The following PACSIN2 variants were observed in gnomAD, a reference collection of about 807,000 sequenced individuals.
The protein encoded by PACSIN2 is protein kinase C and casein kinase substrate in neurons protein 2.
Under a neutral mutation model 63.8 loss-of-function variants are expected in PACSIN2, and 25 were observed. The ratio of observed to expected loss-of-function variants is 0.39; its 90% CI spans 0.29 to 0.55. The LOEUF (loss-of-function observed/expected upper bound fraction) is 0.55, where lower values mean the gene tolerates loss of function less well. PACSIN2 is among the 20% of genes least tolerant of loss of function. The probability of loss-of-function intolerance (pLI) is 0.62; values close to 1 mark genes in which losing one functional copy is unlikely to be tolerated. For synonymous variants in PACSIN2, 255 were observed against 256.2 expected (o/e 1.00, Z 0.05); for missense variants, 518 against 646.9 (o/e 0.80, Z 2.16).
intron 1 of PACSIN2, among the ~76,000 whole-genome samples, chr22:42,970,591 G>A (rs994651479): frequency 2.6e-5 from 4 of 152,096 alleles, no homozygotes; most frequent in African/African-American, 7.2e-5. Context: ...AAAATAAAAA[G>A]TTTATTATAG....
chr22:42,990,031 TATATGTATATATATATATATAC>T (rs1922931001), intron 1 of PACSIN2, among the ~76,000 whole-genome samples: 1 of 23,664 alleles, frequency 4.2e-5, no homozygotes, highest in South Asian at 1.3e-3. Context: ...CATATGTATA[TATATGTATATATATATATATAC>T]ACACACATAT....
chr22:42,944,775 C>T (rs1445377993), intron 1 of PACSIN2, among the ~76,000 whole-genome samples: 2 of 152,194 alleles, frequency 1.3e-5, no homozygotes, highest in Non-Finnish European at 2.9e-5. Context: ...CAGAGTGGCA[C>T]AGCGCATCCA....
At position 42,876,976 on chromosome 22, in the gene PACSIN2, C is replaced by T. The variant is rs112729941; in HGVS notation, c.1063G>A (p.Ala355Thr). The stretch of plus-strand genomic sequence containing the variant: ...GGGTTGTAGCTGGACTGTGACTGCG[C>T]AGACTGGGCGGGGTTGCTCGGGACA... The part of the protein sequence containing the change: ...LNVPSNPAQS[A>T]QSQSSYNPFE... The change falls in exon 9 of 11, where the codon GCG becomes ACG. Residue 355 changes from alanine to threonine, a missense_variant. Ala to Thr is a moderately conservative substitution (Grantham distance 58, BLOSUM62 0). Transcript: ENST00000263246. 2.5e-3 allele frequency: 4,069 copies of T among 1,614,182 alleles called. 8 individuals are homozygous for T. Among genetic ancestry groups the T allele is most frequent in the Non-Finnish European group, 3.1e-3 (3,683 of 1,180,016 alleles).
intron 1 of PACSIN2, among the ~76,000 whole-genome samples, chr22:42,975,468 A>G (rs1333342460): frequency 6.7e-6 from 1 of 149,352 alleles, no homozygotes; most frequent in African/African-American, 2.5e-5. Flanking sequence ...ATATATATAT[A>G]TATAGCATGC....
intron 1 of PACSIN2, among the ~76,000 whole-genome samples, chr22:43,014,339 C>G (rs370854467): frequency 0.64 from 88,303 of 139,052 alleles, 29,231 homozygotes; most frequent in East Asian, 0.83. Context: ...CACACACACA[C>G]ACACACACAC....
At chr22:42,912,370 G>A (rs1025677834) in intron 1 of PACSIN2, among the ~76,000 whole-genome samples, 2 of 152,144 alleles carry the variant, frequency 1.3e-5, no homozygotes, top group African/African-American at 2.4e-5. Context: ...TGATGGGGGC[G>A]AGGGGTGCAT....
intron 2 of PACSIN2, among the ~76,000 whole-genome samples, chr22:42,896,294 C>T (rs980593049): frequency 1.3e-5 from 2 of 152,196 alleles, no homozygotes; most frequent in African/African-American, 4.8e-5. Context: ...TTCTGTCACC[C>T]ACCATAATGT....
chr22:42,977,087 C>A (rs1463654324), intron 1 of PACSIN2, among the ~76,000 whole-genome samples: 1 of 152,008 alleles, frequency 6.6e-6, no homozygotes, highest in Non-Finnish European at 1.5e-5. Flanking sequence ...CATATATATG[C>A]ATTAATAGAC....
intron 1 of PACSIN2, among the ~76,000 whole-genome samples, chr22:42,958,270 G>A (rs1933996503): frequency 2.6e-5 from 4 of 151,902 alleles, no homozygotes; most frequent in Admixed American, 2.6e-4. Context: ...AATTCCTTTG[G>A]TAAAGTGAGG....
At chr22:42,961,001 A>T (rs1466136101) in intron 1 of PACSIN2, among the ~76,000 whole-genome samples, 1 of 152,194 alleles carries the variant, frequency 6.6e-6, no homozygotes, top group Non-Finnish European at 1.5e-5. Flanking sequence ...ATACACATGC[A>T]CACTCCCCCA....
chr22:42,969,755 A>G (rs751352279), intron 1 of PACSIN2, among the ~76,000 whole-genome samples: 3 of 152,042 alleles, frequency 2.0e-5, no homozygotes, highest in Non-Finnish European at 2.9e-5. Context: ...CCTGGGCAAC[A>G]TGGAAAGAAC....
chr22:42,906,455 G>A (rs189574888), intron 2 of PACSIN2, among the ~76,000 whole-genome samples: 117 of 152,282 alleles, frequency 7.7e-4, no homozygotes, highest in South Asian at 5.8e-3. Flanking sequence ...GAAGAGTCAC[G>A]AGATTCAGGG....
At chr22:42,891,396 C>T (rs889210729) in intron 3 of PACSIN2, among the ~76,000 whole-genome samples, 2 of 152,116 alleles carry the variant, frequency 1.3e-5, no homozygotes, top group African/African-American at 4.8e-5. Context: ...GGATTACATG[C>T]CTTTCCTTTA....
At chr22:42,999,831 A>G (rs1257660608) in intron 1 of PACSIN2, among the ~76,000 whole-genome samples, 1 of 152,222 alleles carries the variant, frequency 6.6e-6, no homozygotes, top group Non-Finnish European at 1.5e-5. Flanking sequence ...CTGAAGATAT[A>G]TTAAGCTTCT....
At chr22:43,014,131 C>T (rs1924685327) in intron 1 of PACSIN2, among the ~76,000 whole-genome samples, 1 of 152,110 alleles carries the variant, frequency 6.6e-6, no homozygotes, top group Non-Finnish European at 1.5e-5. Flanking sequence ...CAATCACTAC[C>T]TCTCCAATTG....
chr22:42,982,061 G>A (rs1363857907), intron 1 of PACSIN2, among the ~76,000 whole-genome samples: 6 of 112,448 alleles, frequency 5.3e-5, no homozygotes, highest in Non-Finnish European at 9.5e-5. Context: ...GCCTCTGCCC[G>A]GCCGCCCCTA....
chr22:42,984,564 G>C (rs1210061278), intron 1 of PACSIN2, among the ~76,000 whole-genome samples: 1 of 152,300 alleles, frequency 6.6e-6, no homozygotes, highest in African/African-American at 2.4e-5. Flanking sequence ...GCACTGCCCT[G>C]ACCCAGGCCA....
chr22:42,922,749 C>T (rs567044596), intron 1 of PACSIN2, among the ~76,000 whole-genome samples: 1 of 152,366 alleles, frequency 6.6e-6, no homozygotes, highest in South Asian at 2.1e-4. Flanking sequence ...GCCAGGCACT[C>T]TTCTAAGCTG....
At chr22:42,977,153 G>A (rs1921762371) in intron 1 of PACSIN2, among the ~76,000 whole-genome samples, 3 of 152,068 alleles carry the variant, frequency 2.0e-5, no homozygotes, top group African/African-American at 7.2e-5. Context: ...ATGGATGGAA[G>A]AAGAAACAAA....
Sources: allele counts gnomAD v4.1 joint callset (sites outside exome capture counted in the v4.1 genomes callset), GRCh38; gene constraint gnomAD v4.1.1; transcripts MANE v1.5; gene names NCBI Gene and HGNC (gene_info 2026-07-23, HGNC 2026-07-21).